The following SYT14 variants were observed in gnomAD, a reference collection of about 807,000 sequenced individuals.
SYT14 encodes the protein synaptotagmin 14, also known as synaptotagmin-14.
SYT14 carries 32 observed loss-of-function variants against 74.2 expected under a neutral mutation model. The observed-to-expected ratio is 0.43, with a 90% CI of 0.33 to 0.58. SYT14 has a LOEUF of 0.58. Among genes scored for constraint, SYT14 ranks in the 20% least tolerant of loss-of-function variants. SYT14 has a pLI of 0.05. For missense variants in SYT14, 791 were observed against 981.8 expected (o/e 0.81, Z 2.60); for synonymous variants, 298 against 337.7 (o/e 0.88, Z 1.29).
At chr1:210,152,396 A>T (rs1000811169) in intron 7 of SYT14, among the ~76,000 whole-genome samples, 1 of 152,206 alleles carries the variant, frequency 6.6e-6, no homozygotes, top group Non-Finnish European at 1.5e-5. Context: ...CTACATTGTT[A>T]TAGGGAATAC....
rs72649931 is a variant in SYT14, at chr1:209,996,885, C to T, written c.-485-16748C>T. ...AAATCCACATGATCATCTCAATCGA[C>T]ACAGAAAAAGCTTTAGATAAAATCC... is the stretch of plus-strand genomic sequence containing the variant. On this transcript the variant is annotated intron_variant, in intron 2 of 9. Coordinates refer to ENST00000637265, the Ensembl canonical transcript of SYT14. Among the ~76,000 whole-genome samples the T allele has an allele frequency of 0.015, 2,292 of 152,068 alleles. 167 individuals carry two copies. The East Asian group carries it at 0.23, about 16-fold the overall frequency.
chr1:209,956,941 C>CA (rs2079002450), intron 2 of SYT14, among the ~76,000 whole-genome samples: 1 of 151,852 alleles, frequency 6.6e-6, no homozygotes, highest in African/African-American at 2.4e-5. Flanking sequence ...GACCCTACAC[C>CA]CTTTTTTTTT....
Position 210,078,173 on chromosome 1 carries a change from G to A in SYT14, c.1313-16149G>A, listed in dbSNP as rs570645228. Among the ~76,000 whole-genome samples the A allele has an allele frequency of 1.1e-3, 172 of 151,838 alleles. 2 individuals are homozygous for A. Among genetic ancestry groups the A allele is most frequent in the Non-Finnish European group, 1.8e-3 (119 of 67,924 alleles). On this transcript the variant is annotated intron_variant, in intron 5 of 9. Coordinates refer to ENST00000637265, the Ensembl canonical transcript of SYT14. ...AAAATACAAAAAATTAGCCGGGCGT[G>A]GTAGCGGGCGCCTGTAGTCCCAGCT...
chr1:210,148,701 A>G (rs1386719061), intron 7 of SYT14, among the ~76,000 whole-genome samples: 2 of 152,178 alleles, frequency 1.3e-5, no homozygotes, highest in East Asian at 3.8e-4. Flanking sequence ...GCCAGTAGCC[A>G]GAGTCCCCTT....
At chr1:209,988,306 C>T (rs1350617167) in intron 2 of SYT14, among the ~76,000 whole-genome samples, 2 of 152,124 alleles carry the variant, frequency 1.3e-5, no homozygotes, top group East Asian at 3.8e-4. Flanking sequence ...AAGAAAAGTT[C>T]CGTATCTCCT....
intron 5 of SYT14, among the ~76,000 whole-genome samples, chr1:210,058,915 C>T (rs1558159821): frequency 6.6e-6 from 1 of 152,136 alleles, no homozygotes; most frequent in African/African-American, 2.4e-5. Flanking sequence ...GTTCCATGAA[C>T]AGAAGCTTAG....
At chr1:210,037,438 A>G (rs913313664) in intron 5 of SYT14, among the ~76,000 whole-genome samples, 17 of 150,014 alleles carry the variant, frequency 1.1e-4, no homozygotes, top group African/African-American at 3.9e-4. Flanking sequence ...TTCTGCTCTG[A>G]TCTTTGTTAT....
At chr1:210,089,693 T>C (rs2081822413) in intron 5 of SYT14, among the ~76,000 whole-genome samples, 1 of 152,226 alleles carries the variant, frequency 6.6e-6, no homozygotes, top group Non-Finnish European at 1.5e-5. Flanking sequence ...ATATTTTTGT[T>C]TCTGATTTCT....
Position 210,078,289 on chromosome 1 carries a change from G to A in SYT14, c.1313-16033G>A, listed in dbSNP as rs376425829. Among the ~76,000 whole-genome samples the A allele has an allele frequency of 2.4e-3, 314 of 129,806 alleles. 9 individuals carry two copies. The East Asian group carries it at 0.032, about 13-fold the overall frequency. The allele number at this position is 129,806 out of a possible 152,430, so 85.2% of individuals were successfully genotyped here. On this transcript the variant is annotated intron_variant, in intron 5 of 9. Coordinates refer to ENST00000637265, the Ensembl canonical transcript of SYT14. ...CACGCCACTGCACTCCAGCCTGGGC[G>A]ACAGAGCGAGACTCCGTCTCAAAAA...
In SYT14 at chr1:209,986,855, C is replaced by T. The variant is rs551127436; in HGVS notation, c.-485-26778C>T. On this transcript the variant is annotated intron_variant, in intron 2 of 9. Transcript: ENST00000637265. ...GTCAGGCTGGTCTTGAACTCCTGAC[C>T]TTGTGATCCGCCCACCTCAGCCTCC... is the stretch of plus-strand genomic sequence containing the variant. Among the ~76,000 whole-genome samples, 129 of 152,196 alleles carry T rather than the reference C, an allele frequency of 8.5e-4. No homozygotes were observed. In the Middle Eastern group the frequency reaches 0.01, roughly 12 times the overall value.
intron 2 of SYT14, among the ~76,000 whole-genome samples, chr1:209,970,474 T>G (rs563046592): frequency 8.5e-5 from 13 of 152,160 alleles, no homozygotes; most frequent in African/African-American, 3.1e-4. Context: ...CCTTATACCA[T>G]TTAGTTTAAA....
chr1:210,140,681 G>A (rs930157661), intron 7 of SYT14, among the ~76,000 whole-genome samples: 10 of 151,798 alleles, frequency 6.6e-5, no homozygotes, highest in Non-Finnish European at 1.0e-4. Context: ...TTTTTAATAC[G>A]GTGTGAGGGA....
intron 5 of SYT14, among the ~76,000 whole-genome samples, chr1:210,023,803 G>T (rs570413845): frequency 8.5e-5 from 13 of 152,200 alleles, no homozygotes; most frequent in Non-Finnish European, 1.9e-4. Context: ...ATGCAATCAT[G>T]AATCCAAAAG....
At chr1:209,988,602 G>A (rs1170861995) in intron 2 of SYT14, among the ~76,000 whole-genome samples, 1 of 152,050 alleles carries the variant, frequency 6.6e-6, no homozygotes, top group Non-Finnish European at 1.5e-5. Flanking sequence ...TTTCAGTCTT[G>A]CTTTTCACCT....
intron 2 of SYT14, among the ~76,000 whole-genome samples, chr1:209,971,685 A>G (rs566771181): frequency 2.0e-5 from 3 of 152,282 alleles, no homozygotes; most frequent in Non-Finnish European, 4.4e-5. Context: ...GGTGAATCAC[A>G]TTTATTGATT....
At chr1:209,964,007 T>TATATGCTAACATATAACA (rs1403032609) in intron 2 of SYT14, among the ~76,000 whole-genome samples, 2 of 152,322 alleles carry the variant, frequency 1.3e-5, no homozygotes, top group African/African-American at 4.8e-5. Flanking sequence ...GCTAAGTTGT[T>TATATGCTAACATATAACA]ATACACGCTT....
intron 7 of SYT14, among the ~76,000 whole-genome samples, chr1:210,154,280 C>T (rs926317056): frequency 6.6e-6 from 1 of 152,086 alleles, no homozygotes; most frequent in Admixed American, 6.5e-5. Flanking sequence ...AGTACCAGTC[C>T]ATGGCCTGTT....
At chr1:210,170,288 A>G (rs2083510890) in exon 10 of SYT14, 1 of 152,142 alleles carries the variant, frequency 6.6e-6, no homozygotes, top group Non-Finnish European at 1.5e-5. Context: ...AAATATAAAC[A>G]TGCGTGTGTG....
At chr1:210,160,959 G>A (rs1300070337) in exon 10 of SYT14, 1 of 1,613,880 alleles carries the variant, frequency 6.2e-7, no homozygotes, top group Non-Finnish European at 8.5e-7. Flanking sequence ...CAGCTCTGGA[G>A]AAGAAGAACT....
Sources: allele counts gnomAD v4.1 joint callset (sites outside exome capture counted in the v4.1 genomes callset), GRCh38; gene constraint gnomAD v4.1.1; transcripts MANE v1.5; gene names NCBI Gene and HGNC (gene_info 2026-07-23, HGNC 2026-07-21).